The following ASTN2 variants were observed in gnomAD, a reference collection of about 807,000 sequenced individuals.
The protein encoded by ASTN2 is astrotactin-2.
A neutral mutation model predicts 139.8 loss-of-function variants in ASTN2; 54 were observed. The observed-to-expected ratio is 0.39, with a 90% CI of 0.31 to 0.48. The LOEUF is 0.48. Among genes scored for constraint, ASTN2 ranks in the 20% least tolerant of loss-of-function variants. The probability of loss-of-function intolerance (pLI) is 0.95; values close to 1 mark genes in which losing one functional copy is unlikely to be tolerated. For synonymous variants in ASTN2, 756 were observed against 719.5 expected, an observed-to-expected ratio of 1.05 and a Z score of -0.81; for missense variants, 1,565 against 1,725.1, an observed-to-expected ratio of 0.91 and a Z score of 1.64.
intron 7 of ASTN2, among the ~76,000 whole-genome samples, chr9:117,002,598 T>C (rs771931122): frequency 6.6e-6 from 1 of 152,220 alleles, no homozygotes; most frequent in African/African-American, 2.4e-5. Context: ...TGAGTTCTTA[T>C]GTAAATGGAT....
intron 2 of ASTN2, among the ~76,000 whole-genome samples, chr9:117,256,542 G>A (rs1038772579): frequency 6.6e-6 from 1 of 152,154 alleles, no homozygotes; most frequent in African/African-American, 2.4e-5. Flanking sequence ...ATGACTAGAA[G>A]AGGCTGGACT....
At chr9:116,436,177 A>C (rs1465461904) in intron 22 of ASTN2, among the ~76,000 whole-genome samples, 1 of 152,110 alleles carries the variant, frequency 6.6e-6, no homozygotes, top group African/African-American at 2.4e-5. Context: ...ATGAAGTGAG[A>C]TCTCTTCAAG....
At chr9:117,048,549 T>C (rs1295919557) in intron 5 of ASTN2, among the ~76,000 whole-genome samples, 1 of 152,164 alleles carries the variant, frequency 6.6e-6, no homozygotes, top group Non-Finnish European at 1.5e-5. Context: ...GGAATGGGGC[T>C]ACAAACGGCT....
At chr9:117,171,659 A>G (rs942215451) in intron 3 of ASTN2, among the ~76,000 whole-genome samples, 4 of 151,936 alleles carry the variant, frequency 2.6e-5, no homozygotes, top group African/African-American at 9.7e-5. Context: ...ATGGTTTTAC[A>G]AGGGGCTCTT....
At chr9:116,697,509 C>T (rs1343393001) in intron 16 of ASTN2, 8 of 544,582 alleles carry the variant, frequency 1.5e-5, no homozygotes, top group Admixed American at 6.2e-5. Flanking sequence ...CCCTATCTGT[C>T]ACCCTCACGT....
chr9:116,948,648 GT>G (rs1322801139), intron 10 of ASTN2, among the ~76,000 whole-genome samples: 1 of 151,394 alleles, frequency 6.6e-6, no homozygotes, highest in Non-Finnish European at 1.5e-5. Flanking sequence ...GGTAAGGAGG[GT>G]TGCTGTCCTT....
intron 5 of ASTN2, among the ~76,000 whole-genome samples, chr9:117,087,464 G>A (rs1297515693): frequency 2.0e-5 from 3 of 152,128 alleles, no homozygotes; most frequent in African/African-American, 7.2e-5. Flanking sequence ...CCAGGCTTAA[G>A]TAATCCACCC....
chr9:116,738,515 T>A (rs1174981228), intron 13 of ASTN2, among the ~76,000 whole-genome samples: 1 of 151,608 alleles, frequency 6.6e-6, no homozygotes, highest in Non-Finnish European at 1.5e-5. Context: ...GTACAGTGTC[T>A]ACTGTTCAGA....
At chr9:117,044,986 A>C (rs2132657679) in intron 5 of ASTN2, among the ~76,000 whole-genome samples, 1 of 152,250 alleles carries the variant, frequency 6.6e-6, no homozygotes, top group African/African-American at 2.4e-5. Context: ...TTGGATGAGA[A>C]CTAGTCCTGT....
chr9:117,138,941 G>C (rs1461284338), intron 4 of ASTN2, among the ~76,000 whole-genome samples: 1 of 152,024 alleles, frequency 6.6e-6, no homozygotes, highest in Non-Finnish European at 1.5e-5. Flanking sequence ...CTAATAGTAG[G>C]GGCTTAGTTA....
intron 10 of ASTN2, among the ~76,000 whole-genome samples, chr9:116,971,152 T>G (rs1588449609): frequency 6.6e-6 from 1 of 152,186 alleles, no homozygotes; most frequent in Admixed American, 6.5e-5. Flanking sequence ...TTTTCAGAAT[T>G]AAAATATATC....
chr9:116,599,208 C>T lies in ASTN2; in HGVS notation c.3355+19116G>A, dbSNP rs189895864. ...ACTGCTGTCACGTGAGGGTGTGAGT[C>T]TAAAGTTGCCAGAACTCACTATTTT... is the stretch of plus-strand genomic sequence containing the variant. On this transcript the variant is annotated intron_variant, in intron 19 of 22. Coordinates refer to ENST00000313400, the MANE Select transcript of ASTN2 (RefSeq NM_001365068.1). 5.3e-5 allele frequency among the ~76,000 whole-genome samples: 8 copies of T among 152,266 alleles called. No individual in the cohort carries two copies. The East Asian group carries it at 1.4e-3, about 26-fold the overall frequency.
intron 11 of ASTN2, among the ~76,000 whole-genome samples, chr9:116,857,338 G>C (rs1217303725): frequency 1.3e-5 from 2 of 152,116 alleles, no homozygotes; most frequent in Non-Finnish European, 2.9e-5. Flanking sequence ...TCTTTTCTCT[G>C]CAATATTCAC....
intron 22 of ASTN2, among the ~76,000 whole-genome samples, chr9:116,440,030 G>A (rs1348404459): frequency 2.6e-5 from 4 of 152,192 alleles, no homozygotes; most frequent in South Asian, 2.1e-4. Flanking sequence ...TGCATATACT[G>A]CTTTATGAAG....
intron 2 of ASTN2, among the ~76,000 whole-genome samples, chr9:117,220,116 T>C (rs895457079): frequency 6.6e-6 from 1 of 152,194 alleles, no homozygotes; most frequent in Admixed American, 6.5e-5. Context: ...ACCACAAAAG[T>C]CAACAAATAC....
At chr9:117,016,379 G>T (rs1837675135) in intron 6 of ASTN2, among the ~76,000 whole-genome samples, 1 of 151,752 alleles carries the variant, frequency 6.6e-6, no homozygotes, top group Admixed American at 6.6e-5. Context: ...ACTTCTAAGA[G>T]CTCAGAGTCT....
intron 4 of ASTN2, among the ~76,000 whole-genome samples, chr9:117,097,774 A>T (rs1828875188): frequency 6.6e-6 from 1 of 152,244 alleles, no homozygotes; most frequent in Non-Finnish European, 1.5e-5. Context: ...GAAAGGATTT[A>T]TTATGTAATT....
chr9:117,286,358 T>TTC lies in ASTN2; in HGVS notation c.630+4967_630+4968insGA, dbSNP rs559756574. Among the ~76,000 whole-genome samples the TTC allele has an allele frequency of 1.1e-4, 16 of 149,816 alleles. No individual in the cohort carries two copies. The South Asian group carries it at 3.2e-3, about 30-fold the overall frequency. ...CAGATAAACTCTTCCCACTTTCTTT[T>TTC]TTTTTTTTTTTTGAGCAGAGTCTCA... On this transcript the variant is annotated intron_variant, in intron 2 of 22. Transcript: ENST00000313400.
At chr9:117,357,303 C>T (rs972235362) in intron 1 of ASTN2, among the ~76,000 whole-genome samples, 17 of 152,056 alleles carry the variant, frequency 1.1e-4, no homozygotes, top group Middle Eastern at 3.4e-3. Flanking sequence ...ATAATAATTT[C>T]GTAATGTTTT....
Sources: allele counts gnomAD v4.1 joint callset (sites outside exome capture counted in the v4.1 genomes callset), GRCh38; gene constraint gnomAD v4.1.1; transcripts MANE v1.5; gene names NCBI Gene and HGNC (gene_info 2026-07-23, HGNC 2026-07-21).